KSR1: variants seen among roughly 807,000 people sequenced by gnomAD.
KSR1 encodes the protein kinase suppressor of ras.
A neutral mutation model predicts 92.9 loss-of-function variants in KSR1; 35 were observed. The observed-to-expected ratio is 0.38, with a 90% CI of 0.29 to 0.50. The LOEUF is 0.50. Among genes scored for constraint, KSR1 ranks in the 20% least tolerant of loss-of-function variants. The pLI is 0.94. For synonymous variants in KSR1, 467 were observed against 472.6 expected (o/e 0.99, Z 0.15); for missense variants, 972 against 1,158.5 (o/e 0.84, Z 2.34).
At chr17:27,611,413 C>T (rs2073912516) in intron 17 of KSR1, 81 bp from the exon 18 acceptor site, 3 of 1,579,766 alleles carry the variant, frequency 1.9e-6, no homozygotes, top group Admixed American at 1.7e-5. Flanking sequence ...GATCCTCTGG[C>T]TGGGCTATGG....
chr17:27,523,031 G>A (rs2070106238), intron 1 of KSR1, among the ~76,000 whole-genome samples: 1 of 152,238 alleles, frequency 6.6e-6, no homozygotes, highest in Non-Finnish European at 1.5e-5. Context: ...GGGCCCTGGG[G>A]AGTGTAAATT....
chr17:27,550,540 A>G (rs771818916), intron 1 of KSR1, 28 bp from the exon 2 acceptor site: 1 of 762,486 alleles, frequency 1.3e-6, no homozygotes, highest in Admixed American at 1.7e-5. Context: ...AGATGAACAC[A>G]GGCTTTTCTT....
At chr17:27,517,575 C>G (rs1197777263) in intron 1 of KSR1, among the ~76,000 whole-genome samples, 1 of 152,212 alleles carries the variant, frequency 6.6e-6, no homozygotes, top group Non-Finnish European at 1.5e-5. Context: ...GGATTACAGG[C>G]TTCGGCCACT....
intron 1 of KSR1, among the ~76,000 whole-genome samples, chr17:27,487,698 G>A (rs1038653664): frequency 2.6e-5 from 4 of 151,798 alleles, no homozygotes; most frequent in Admixed American, 6.6e-5. Context: ...TCACCCTGTC[G>A]CCCAGGCTGG....
chr17:27,496,116 G>C (rs1221002766), intron 1 of KSR1, among the ~76,000 whole-genome samples: 1 of 152,160 alleles, frequency 6.6e-6, no homozygotes, highest in Admixed American at 6.5e-5. Flanking sequence ...ATCTCTTTTG[G>C]CCAAGTTCCT....
chr17:27,539,469 T>C (rs2070878037), intron 1 of KSR1, among the ~76,000 whole-genome samples: 1 of 152,166 alleles, frequency 6.6e-6, no homozygotes, highest in African/African-American at 2.4e-5. Context: ...TTCCTAGCCC[T>C]CGGTCAGGTG....
chr17:27,585,790 G>T (rs2072946726), intron 5 of KSR1, 129 bp downstream of exon 5: 1 of 711,766 alleles, frequency 1.4e-6, no homozygotes, highest in African/African-American at 1.7e-5. Context: ...AGAAGCAGAG[G>T]TGCTGGTGAC....
intron 1 of KSR1, among the ~76,000 whole-genome samples, chr17:27,474,037 T>G (rs1367557599): frequency 6.6e-6 from 1 of 152,214 alleles, no homozygotes; most frequent in African/African-American, 2.4e-5. Context: ...ATCGGCCATG[T>G]GTCTAGAGGA....
At chr17:27,546,569 G>T (rs1203043840) in intron 1 of KSR1, among the ~76,000 whole-genome samples, 1 of 152,176 alleles carries the variant, frequency 6.6e-6, no homozygotes, top group African/African-American at 2.4e-5. Flanking sequence ...ACCAGGAAGG[G>T]GAGAGGCGGA....
intron 18 of KSR1, chr17:27,613,211 G>A (rs1371882237): frequency 2.6e-5 from 4 of 152,676 alleles, no homozygotes; most frequent in African/African-American, 9.7e-5. Context: ...CGTCCTTCTT[G>A]GCCTCCTTCT....
At chr17:27,584,913 C>A (rs1869378861) in intron 4 of KSR1, among the ~76,000 whole-genome samples, 1 of 152,162 alleles carries the variant, frequency 6.6e-6, no homozygotes, top group Non-Finnish European at 1.5e-5. Flanking sequence ...CCCTCCTGTC[C>A]AGCCACACCC....
intron 1 of KSR1, among the ~76,000 whole-genome samples, chr17:27,464,802 A>G (rs983917549): frequency 3.3e-5 from 5 of 151,870 alleles, no homozygotes; most frequent in African/African-American, 1.2e-4. Context: ...AAAATTCTTT[A>G]CAATTGCTTC....
rs1177209496 is a variant in KSR1, at chr17:27,459,023, T to C, written c.231+2149T>C. On this transcript the variant is annotated intron_variant, in intron 1 of 20. Transcript: ENST00000644974. The surrounding 1 kb of genome is among the most constrained non-coding windows in gnomAD (Gnocchi z 4.6). ...GAATAACCCTCTTTAAGAATGGTTC[T>C]AAAATCCAGATTTACTGAACCCATA... Among the ~76,000 whole-genome samples, 1 of 152,238 alleles carries C rather than the reference T, an allele frequency of 6.6e-6. No individual in the cohort carries two copies. The highest frequency in any genetic ancestry group is 6.5e-5 in the Admixed American group (1 of 15,288).
chr17:27,469,219 G>A (rs1451292337), intron 1 of KSR1, among the ~76,000 whole-genome samples: 1 of 152,098 alleles, frequency 6.6e-6, no homozygotes, highest in African/African-American at 2.4e-5. Flanking sequence ...CCTTCCTGAA[G>A]CCTAGCTTTG....
At chr17:27,548,466 T>C (rs1471970603) in intron 1 of KSR1, among the ~76,000 whole-genome samples, 1 of 152,190 alleles carries the variant, frequency 6.6e-6, no homozygotes, top group Non-Finnish European at 1.5e-5. Flanking sequence ...CCTTGCTCTT[T>C]AGAAAAATGT....
intron 10 of KSR1, among the ~76,000 whole-genome samples, chr17:27,600,933 A>G (rs983174770): frequency 6.6e-6 from 1 of 152,324 alleles, no homozygotes. Flanking sequence ...AGAGAAAAAA[A>G]TGTGGGTAGG....
At chr17:27,563,151 T>TC (rs2071902127) in intron 2 of KSR1, among the ~76,000 whole-genome samples, 1 of 152,314 alleles carries the variant, frequency 6.6e-6, no homozygotes, top group East Asian at 1.9e-4. Flanking sequence ...CCCCATTCGC[T>TC]CCCTATATCC....
chr17:27,472,854 A>G (rs1284041966), intron 1 of KSR1, among the ~76,000 whole-genome samples: 2 of 152,186 alleles, frequency 1.3e-5, no homozygotes, highest in Admixed American at 1.3e-4. Flanking sequence ...CTGGGAATGT[A>G]TCAGTAATAA....
At chr17:27,546,762 G>A (rs537276118) in intron 1 of KSR1, among the ~76,000 whole-genome samples, 2 of 152,298 alleles carry the variant, frequency 1.3e-5, no homozygotes, top group East Asian at 1.9e-4. Flanking sequence ...AGTGGGGTAA[G>A]CCAGGATAGG....
Sources: gnomAD v4.1 joint callset for allele counts (sites outside exome capture counted in the v4.1 genomes callset) on GRCh38, gnomAD v4.1.1 for gene constraint, Gnocchi (gnomAD v3.1) non-coding constraint, MANE v1.5 for transcripts, NCBI Gene and HGNC (gene_info 2026-07-23, HGNC 2026-07-21) for gene names.